The following RAD51B variants were observed in gnomAD, a reference collection of about 807,000 sequenced individuals.
RAD51B encodes RAD51 paralog B.
In RAD51B, 38 loss-of-function variants were observed where a neutral mutation model predicts 42.2. The observed-to-expected ratio is 0.90, with a 90% CI of 0.70 to 1.18. RAD51B has a LOEUF of 1.18. Ranked by LOEUF, RAD51B falls within the 50% of genes most tolerant of loss-of-function variation. The pLI, the probability that RAD51B is intolerant of heterozygous loss-of-function variation, is 0.00. For missense variants in RAD51B, 373 were observed against 400.7 expected, an observed-to-expected ratio of 0.93 and a Z score of 0.59; for synonymous variants, 154 against 145.2, an observed-to-expected ratio of 1.06 and a Z score of -0.43.
chr14:68,418,927 A>G (rs1201041193), intron 9 of RAD51B, among the ~76,000 whole-genome samples: 2 of 152,226 alleles, frequency 1.3e-5, no homozygotes, highest in East Asian at 3.8e-4. Flanking sequence ...AACAAAAAGC[A>G]TTTAGAATAT....
At position 67,887,110 on chromosome 14, in the gene RAD51B, A is replaced by T. The variant is rs575909907; in HGVS notation, c.662A>T (p.Asp221Val). The T allele has an allele frequency of 6.2e-7, 1 of 1,603,108 alleles. No individual in the cohort carries two copies. Among genetic ancestry groups the T allele is most frequent in the East Asian group, 2.2e-5 (1 of 44,710 alleles). Reference protein sequence around the residue: ...SVASVVRKEFDAQLQGNLKER... With the variant: ...SVASVVRKEFVAQLQGNLKER... Reference sequence around the variant, plus strand: ...GCTTCTGTGGTCAGAAAGGAGTTTGATGCACAACTTCAAGGCAATCTCAAA... The same window carrying T: ...GCTTCTGTGGTCAGAAAGGAGTTTGTTGCACAACTTCAAGGCAATCTCAAA... Residue 221 changes from aspartate to valine, a missense_variant, in exon 7 of 11, where the codon GAT (aspartate) becomes GTT (valine). Transcript: ENST00000471583.
chr14:67,988,857 A>G (rs1245637618), intron 7 of RAD51B, among the ~76,000 whole-genome samples: 1 of 152,242 alleles, frequency 6.6e-6, no homozygotes, highest in Non-Finnish European at 1.5e-5. Context: ...GGTTTGTAAA[A>G]TATAGTTTGT....
At chr14:68,246,084 G>A (rs746798883) in intron 7 of RAD51B, among the ~76,000 whole-genome samples, 6 of 152,018 alleles carry the variant, frequency 3.9e-5, no homozygotes, top group African/African-American at 7.3e-5. Flanking sequence ...TTTTGTTTAG[G>A]GTAAATGTGA....
At chr14:68,605,519 A>G (rs1451262802) in intron 10 of RAD51B, among the ~76,000 whole-genome samples, 1 of 152,220 alleles carries the variant, frequency 6.6e-6, no homozygotes, top group East Asian at 1.9e-4. Flanking sequence ...GTTTAACAAG[A>G]AGGGAAACTT....
At chr14:67,903,818 T>C (rs541843963) in intron 7 of RAD51B, among the ~76,000 whole-genome samples, 1 of 152,278 alleles carries the variant, frequency 6.6e-6, no homozygotes, top group African/African-American at 2.4e-5. Context: ...AATTGCATGT[T>C]GTGGGGGTTT....
intron 8 of RAD51B, among the ~76,000 whole-genome samples, chr14:68,382,260 ATGGC>A (rs2083494068): frequency 6.6e-6 from 1 of 152,206 alleles, no homozygotes. Context: ...GTAGATGCCA[ATGGC>A]ATCCCTTCAT....
chr14:68,659,160 C>T (rs1248962836), intron 11 of RAD51B, among the ~76,000 whole-genome samples: 1 of 152,210 alleles, frequency 6.6e-6, no homozygotes, highest in Non-Finnish European at 1.5e-5. Flanking sequence ...CCTCTCCACC[C>T]ACGGAGCCTT....
At chr14:68,594,933 G>A (rs981790092) in exon 11 of RAD51B, 15 of 1,086,166 alleles carry the variant, frequency 1.4e-5, no homozygotes, top group African/African-American at 4.8e-5. Context: ...GACCAGGGAC[G>A]TGGAAACAGG....
chr14:68,583,726 G>A (rs779826369), intron 10 of RAD51B, among the ~76,000 whole-genome samples: 3 of 152,166 alleles, frequency 2.0e-5, no homozygotes, highest in Admixed American at 1.3e-4. Flanking sequence ...GTCACCACCC[G>A]AGGCCTATGG....
intron 7 of RAD51B, among the ~76,000 whole-genome samples, chr14:67,933,315 G>T (rs944434257): frequency 2.0e-5 from 3 of 152,282 alleles, no homozygotes; most frequent in Admixed American, 2.0e-4. Flanking sequence ...CAACACTGGG[G>T]TTGTTAGTGG....
chr14:68,084,604 G>C (rs894565950), intron 7 of RAD51B, among the ~76,000 whole-genome samples: 12 of 152,180 alleles, frequency 7.9e-5, no homozygotes, highest in African/African-American at 2.2e-4. Flanking sequence ...CCCAATATTT[G>C]TAATCATGAG....
In RAD51B at chr14:67,920,229, T is replaced by G. The variant is rs151298274; in HGVS notation, c.756+33025T>G. Among the ~76,000 whole-genome samples the G allele has an allele frequency of 1.4e-4, 22 of 152,296 alleles. No homozygotes were observed. The East Asian group carries it at 4.2e-3, about 29-fold the overall frequency. ...CCCTCCCAAGATACGTTTTCTGTACTCCATTGACTTATGCCAATAAAGTAA... is the reference window on the plus strand; with the variant it reads ...CCCTCCCAAGATACGTTTTCTGTACGCCATTGACTTATGCCAATAAAGTAA... On this transcript the variant is annotated intron_variant, in intron 7 of 10. Coordinates refer to ENST00000471583, the MANE Select transcript of RAD51B (RefSeq NM_133510.4).
chr14:68,337,857 G>A (rs760218650), intron 8 of RAD51B, among the ~76,000 whole-genome samples: 4 of 152,008 alleles, frequency 2.6e-5, no homozygotes, highest in Admixed American at 6.6e-5. Context: ...CTGCAGCCTC[G>A]ACCTCCTTGG....
At chr14:68,598,787 T>G (rs1595013811), downstream of RAD51B, among the ~76,000 whole-genome samples, 1 of 152,342 alleles carries the variant, frequency 6.6e-6, no homozygotes, top group East Asian at 1.9e-4. Flanking sequence ...TTCCCCCTTT[T>G]CTGTCAGCAG....
At position 68,258,613 on chromosome 14, in the gene RAD51B, T is replaced by C. The variant is rs79148679; in HGVS notation, c.757-33271T>C. 9.6e-3 allele frequency among the ~76,000 whole-genome samples: 1,452 copies of C among 152,028 alleles called. 28 individuals carry two copies. The highest frequency in any genetic ancestry group is 0.033 in the African/African-American group (1,377 of 41,344). On this transcript the variant is annotated intron_variant, in intron 7 of 10. Coordinates refer to ENST00000471583, the MANE Select transcript of RAD51B (RefSeq NM_133510.4). ...GATGCTGGGTTCATGACTAATAAAA[T>C]GGGGTGTGTGTGTGTGCGTATGTAA... is the stretch of plus-strand genomic sequence containing the variant.
At chr14:67,881,982 T>G (rs925740037) in intron 5 of RAD51B, among the ~76,000 whole-genome samples, 2 of 152,174 alleles carry the variant, frequency 1.3e-5, no homozygotes, top group African/African-American at 4.8e-5. Context: ...ACTTTTTATT[T>G]TTTTAGACAG....
chr14:68,043,244 GA>G (rs2076243495), intron 7 of RAD51B, among the ~76,000 whole-genome samples: 1 of 152,326 alleles, frequency 6.6e-6, no homozygotes, highest in East Asian at 1.9e-4. Context: ...CATTCTCAAA[GA>G]GGGGTGGCCA....
rs1359030261 is a variant in RAD51B, at chr14:68,483,515, T to C, written c.1036+15265T>C. Among the ~76,000 whole-genome samples, 3 of 152,166 alleles carry C rather than the reference T, an allele frequency of 2.0e-5. No homozygotes were observed. The East Asian group carries it at 5.8e-4, about 29-fold the overall frequency. ...TGGGTTCAAGGGAGCCATGGCCTGA[T>C]TTCAATGACACATTCAAGATAGAAC... On this transcript the variant is annotated intron_variant, in intron 10 of 10. Coordinates refer to the RAD51B transcript ENST00000487270.
intron 8 of RAD51B, among the ~76,000 whole-genome samples, chr14:68,406,539 C>T (rs1254124051): frequency 6.6e-6 from 1 of 152,180 alleles, no homozygotes; most frequent in African/African-American, 2.4e-5. Context: ...ACTGGAGTTG[C>T]TCTGGGTCCG....
Sources: gnomAD v4.1 joint callset for allele counts (sites outside exome capture counted in the v4.1 genomes callset) on GRCh38, gnomAD v4.1.1 for gene constraint, MANE v1.5 for transcripts, NCBI Gene and HGNC (gene_info 2026-07-23, HGNC 2026-07-21) for gene names.